CNTNAP2: variants seen among roughly 807,000 people sequenced by gnomAD.
The protein encoded by CNTNAP2 is contactin-associated protein-like 2.
Under a neutral mutation model 155.2 loss-of-function variants are expected in CNTNAP2, and 98 were observed. That is an observed-to-expected ratio of 0.63 (90% CI 0.54 to 0.75). CNTNAP2 has a LOEUF of 0.75. CNTNAP2 is among the 30% of genes least tolerant of loss of function. The probability of loss-of-function intolerance (pLI) is 0.00; values close to 1 mark genes in which losing one functional copy is unlikely to be tolerated. For synonymous variants in CNTNAP2, 651 were observed against 631.2 expected, an observed-to-expected ratio of 1.03 and a Z score of -0.47; for missense variants, 1,727 against 1,688.1, an observed-to-expected ratio of 1.02 and a Z score of -0.40.
chr7:148,333,043 C>T (rs1798058106), intron 21 of CNTNAP2, among the ~76,000 whole-genome samples: 2 of 152,076 alleles, frequency 1.3e-5, no homozygotes, highest in East Asian at 1.9e-4. Context: ...GGACTCCTCC[C>T]CTGCCACTCT....
At chr7:147,778,330 C>A (rs376093961) in intron 13 of CNTNAP2, among the ~76,000 whole-genome samples, 35 of 152,254 alleles carry the variant, frequency 2.3e-4, no homozygotes, top group African/African-American at 7.9e-4. Context: ...AATACTAAAA[C>A]ACAAGTTACT....
chr7:147,392,470 T>C (rs1269480537), intron 9 of CNTNAP2, among the ~76,000 whole-genome samples: 3 of 152,060 alleles, frequency 2.0e-5, no homozygotes, highest in African/African-American at 7.2e-5. Flanking sequence ...CTTAGCGGTA[T>C]ACACTGAACC....
intron 8 of CNTNAP2, among the ~76,000 whole-genome samples, chr7:147,228,819 C>G (rs570917290): frequency 7.2e-5 from 11 of 151,984 alleles, no homozygotes; most frequent in Non-Finnish European, 1.0e-4. Flanking sequence ...CCCCCACCCC[C>G]CAACAGGCCC....
chr7:146,621,278 A>G (rs1446105707), intron 1 of CNTNAP2, among the ~76,000 whole-genome samples: 2 of 152,342 alleles, frequency 1.3e-5, no homozygotes, highest in African/African-American at 4.8e-5. Flanking sequence ...ACCGACAACC[A>G]GTTTCCCCTA....
At chr7:146,308,692 C>G (rs993117297) in intron 1 of CNTNAP2, among the ~76,000 whole-genome samples, 2 of 152,098 alleles carry the variant, frequency 1.3e-5, no homozygotes, top group African/African-American at 4.8e-5. Flanking sequence ...ATGGATGAAG[C>G]TGGAAACCAG....
At chr7:147,667,488 C>G (rs181755302) in intron 13 of CNTNAP2, among the ~76,000 whole-genome samples, 7 of 152,250 alleles carry the variant, frequency 4.6e-5, no homozygotes, top group Admixed American at 3.9e-4. Flanking sequence ...TCACTAAACA[C>G]GCACTGCTGG....
intron 15 of CNTNAP2, among the ~76,000 whole-genome samples, chr7:148,054,758 A>G (rs1802976822): frequency 6.6e-6 from 1 of 152,142 alleles, no homozygotes; most frequent in African/African-American, 2.4e-5. Context: ...ATGCACAGAA[A>G]CAAACAATAT....
intron 14 of CNTNAP2, among the ~76,000 whole-genome samples, chr7:147,925,862 T>C (rs1158594173): frequency 6.6e-6 from 1 of 152,174 alleles, no homozygotes; most frequent in African/African-American, 2.4e-5. Context: ...TTCCCTCCAT[T>C]CAATCCTCCC....
chr7:146,847,122 C>A (rs1378181209), intron 3 of CNTNAP2, among the ~76,000 whole-genome samples: 3 of 147,060 alleles, frequency 2.0e-5, no homozygotes, highest in African/African-American at 8.1e-5. Flanking sequence ...CAAGTAAATA[C>A]ATAGTTATAT....
chr7:147,724,357 T>A (rs1004810742), intron 13 of CNTNAP2, among the ~76,000 whole-genome samples: 2 of 151,960 alleles, frequency 1.3e-5, no homozygotes, highest in Non-Finnish European at 2.9e-5. Flanking sequence ...ATGAAATGAG[T>A]GTTAAACTGT....
rs1444912530 is a variant in CNTNAP2 at position 147,470,650 on chromosome 7, A to G, written c.1671-15285A>G. Among the ~76,000 whole-genome samples, 3 of 152,168 alleles carry G rather than the reference A, an allele frequency of 2.0e-5. No individual in the cohort carries two copies. In the East Asian group the frequency reaches 5.8e-4, roughly 29 times the overall value. ...TTAGATGAAGGATGTGAGGAGTCCA[A>G]GATCATTTCTGCCTGAAAAGCCAGA... On this transcript the variant is annotated intron_variant, in intron 10 of 23. Coordinates refer to ENST00000361727, the MANE Select transcript of CNTNAP2 (RefSeq NM_014141.6).
chr7:146,658,202 T>C (rs1327741884), intron 1 of CNTNAP2, among the ~76,000 whole-genome samples: 1 of 152,154 alleles, frequency 6.6e-6, no homozygotes, highest in Non-Finnish European at 1.5e-5. Context: ...GATTTTCTAT[T>C]CAACATTCTT....
intron 1 of CNTNAP2, among the ~76,000 whole-genome samples, chr7:146,495,545 A>C (rs1797201368): frequency 7.7e-6 from 1 of 129,716 alleles, no homozygotes; most frequent in Non-Finnish European, 1.6e-5. Context: ...GCCACCTCTA[A>C]CAGGTCATTT....
chr7:147,751,819 A>C (rs1238532247), intron 13 of CNTNAP2, among the ~76,000 whole-genome samples: 1 of 152,220 alleles, frequency 6.6e-6, no homozygotes, highest in Non-Finnish European at 1.5e-5. Flanking sequence ...TACCTGCATT[A>C]TACTAGTTAC....
chr7:147,422,036 G>A (rs1240131664), intron 10 of CNTNAP2, among the ~76,000 whole-genome samples: 1 of 150,584 alleles, frequency 6.6e-6, no homozygotes, highest in Non-Finnish European at 1.5e-5. Context: ...CAAGTCTTAG[G>A]CATTTCTTTA....
rs549624352 is a variant in CNTNAP2 at position 147,587,221 on chromosome 7, G to A, written c.1897+24964G>A. On this transcript the variant is annotated intron_variant, in intron 12 of 23. Coordinates refer to ENST00000361727, the MANE Select transcript of CNTNAP2 (RefSeq NM_014141.6). ...GGGTCAGCACTTGTGAATTAGCGTC[G>A]TGAATAAGACATTCATAAAACCTTA... Among the ~76,000 whole-genome samples the A allele has an allele frequency of 1.5e-3, 226 of 152,222 alleles. 2 individuals are homozygous for A. Among genetic ancestry groups the A allele is most frequent in the African/African-American group, 5.0e-3 (209 of 41,544 alleles).
At chr7:148,062,009 GAT>G (rs1197016797) in intron 15 of CNTNAP2, among the ~76,000 whole-genome samples, 2,193 of 63,346 alleles carry the variant, frequency 0.035, 72 homozygotes, top group South Asian at 0.044. Context: ...ATAGATAGAT[GAT>G]AGAGAGAGAG....
chr7:146,366,740 T>C (rs1795161359), intron 1 of CNTNAP2, among the ~76,000 whole-genome samples: 2 of 152,158 alleles, frequency 1.3e-5, no homozygotes, highest in Non-Finnish European at 2.9e-5. Context: ...ATTTCAGTCA[T>C]GCACTGAATA....
At chr7:146,189,101 T>A (rs1486359875) in intron 1 of CNTNAP2, among the ~76,000 whole-genome samples, 2 of 152,182 alleles carry the variant, frequency 1.3e-5, no homozygotes, top group Admixed American at 6.5e-5. Context: ...TTTGTAATCA[T>A]AAAGTAAAAA....
Sources: gnomAD v4.1 joint callset for allele counts (sites outside exome capture counted in the v4.1 genomes callset) on GRCh38, gnomAD v4.1.1 for gene constraint, MANE v1.5 for transcripts, NCBI Gene and HGNC (gene_info 2026-07-23, HGNC 2026-07-21) for gene names.